Variants in ARRDC5 observed in about 807,000 individuals in gnomAD.
ARRDC5 encodes the protein arrestin domain containing 5, also known as arrestin domain-containing protein 5.
ARRDC5 carries 12 observed loss-of-function variants against 13.3 expected under a neutral mutation model. That is an observed-to-expected ratio of 0.90 (90% CI 0.58 to 1.46). ARRDC5 has a LOEUF of 1.46. Among genes scored for constraint, ARRDC5 ranks in the 40% most tolerant of loss-of-function variants. ARRDC5 has a pLI of 0.00. For missense variants in ARRDC5, 406 were observed against 418.7 expected (o/e 0.97, Z 0.26); for synonymous variants, 181 against 173.4 (o/e 1.04, Z -0.34).
At chr19:4,901,961 A>G (rs952110625) in intron 1 of ARRDC5, among the ~76,000 whole-genome samples, 1 of 152,034 alleles carries the variant, frequency 6.6e-6, no homozygotes, top group African/African-American at 2.4e-5. Context: ...ATCTCAGCTT[A>G]CTGGAACCTC....
chr19:4,898,665 C>CTTTTTTTTTTTTTTTTTT (rs71170878), intron 1 of ARRDC5, among the ~76,000 whole-genome samples: 4 of 130,584 alleles, frequency 3.1e-5, no homozygotes, highest in African/African-American at 5.5e-5. Flanking sequence ...CGGGCTTGGC[C>CTTTTTTTTTTTTTTTTTT]TTTTTTTTTT....
At chr19:4,909,865 C>T in the ARRDC5 span, 8 of 380,028 alleles carry the variant, frequency 2.1e-5, no homozygotes, top group Non-Finnish European at 3.3e-5. Flanking sequence ...GTCCCCGGAG[C>T]CCGGCGGGGG....
chr19:4,905,483 T>C (rs2032048124), upstream of ARRDC5, among the ~76,000 whole-genome samples: 2 of 151,002 alleles, frequency 1.3e-5, no homozygotes, highest in East Asian at 3.9e-4. Context: ...GCTCATCAGG[T>C]ATTGTTAGTG....
At chr19:4,911,665 G>A in the ARRDC5 span, among the ~76,000 whole-genome samples, 1 of 152,158 alleles carries the variant, frequency 6.6e-6, no homozygotes, top group East Asian at 1.9e-4. Context: ...GCCCCTCGTT[G>A]CATTTAAAAT....
chr19:4,902,717 C>T lies in ARRDC5; in HGVS notation c.109G>A (p.Asp37Asn), dbSNP rs1425267371. ...VILTLNSTLV[D>N]PIVKVELVGR... ...ACGAGCTCCACCTTCACTATGGGGT[C>T]CACCAGGGTGCTGTTCAGGGTTAAG... Residue 37 changes from aspartate (D) to asparagine (N), a missense_variant, in exon 1 of 3, where the codon GAC (aspartate) becomes AAC (asparagine). Asp to Asn is a conservative substitution (Grantham distance 23, BLOSUM62 1). Transcript: ENST00000650722. 1.2e-6 allele frequency: 2 copies of T among 1,614,030 alleles called. No individual in the cohort carries two copies. Among genetic ancestry groups the T allele is most frequent in the Admixed American group, 1.7e-5 (1 of 60,002 alleles).
At chr19:4,916,198 C>T in the ARRDC5 span, among the ~76,000 whole-genome samples, 1 of 151,336 alleles carries the variant, frequency 6.6e-6, no homozygotes, top group Non-Finnish European at 1.5e-5. Flanking sequence ...CCTAGCTACT[C>T]GGGAGGCCAA....
At chr19:4,909,252 G>T in the ARRDC5 span, 3 of 518,104 alleles carry the variant, frequency 5.8e-6, no homozygotes, top group East Asian at 1.1e-4. Context: ...GGGTGTCCAC[G>T]TGCGGGGGGT....
the ARRDC5 span, among the ~76,000 whole-genome samples, chr19:4,913,693 T>G: frequency 6.6e-6 from 1 of 152,288 alleles, no homozygotes; most frequent in South Asian, 2.1e-4. Flanking sequence ...CTCTCAACAC[T>G]GAATTTCGTC....
At chr19:4,905,430 GT>G (rs1443441283), upstream of ARRDC5, among the ~76,000 whole-genome samples, 1 of 151,208 alleles carries the variant, frequency 6.6e-6, no homozygotes, top group Non-Finnish European at 1.5e-5. Context: ...CAAATTTGTA[GT>G]TTCTTAAAAC....
chr19:4,891,267 T>A lies in ARRDC5; in HGVS notation c.766A>T (p.Thr256Ser), dbSNP rs1255135985. 6.2e-7 allele frequency: 1 copy of A among 1,613,896 alleles called. No homozygotes were observed. Among genetic ancestry groups the A allele is most frequent in the Non-Finnish European group, 8.5e-7 (1 of 1,179,868 alleles). Residue 256 changes from threonine (T) to serine (S), a missense_variant, in exon 3 of 3, where the codon ACC becomes TCC. By Grantham distance (58) the Thr-to-Ser change is moderately conservative. Coordinates refer to ENST00000650722, the MANE Select transcript of ARRDC5 (RefSeq NM_001080523.3). ...TRFNTTKVVS[T>S]FNLPLLLSVS... The stretch of plus-strand genomic sequence containing the variant: ...GACAGCAGCAACGGCAGGTTGAAGG[T>A]GCTGACAACCTTGGTGGTGTTGAAG...
In ARRDC5 at chr19:4,891,123, T is replaced by A. The variant is rs752682959; in HGVS notation, c.910A>T (p.Ser304Cys). ...CAGATGGCAGAGTCCACTGAGGCGC[T>A]GGTGATGATGATGGGAACTTTGGCC... is the stretch of plus-strand genomic sequence containing the variant. Reference protein sequence around the residue: ...LKAKVPIIITSASVDSAICQL... With the variant: ...LKAKVPIIITCASVDSAICQL... The change falls in exon 3 of 3, where the codon AGC (serine) becomes TGC (cysteine). Residue 304 changes from serine (S) to cysteine (C), a missense_variant. Physicochemically the swap from Ser to Cys is moderately radical, Grantham distance 112. Coordinates refer to ENST00000650722, the MANE Select transcript of ARRDC5 (RefSeq NM_001080523.3). 6.2e-7 allele frequency: 1 copy of A among 1,613,858 alleles called. No homozygotes were observed. Among genetic ancestry groups the A allele is most frequent in the South Asian group, 1.1e-5 (1 of 91,086 alleles).
At chr19:4,905,558 C>T (rs566664523), upstream of ARRDC5, among the ~76,000 whole-genome samples, 1 of 151,776 alleles carries the variant, frequency 6.6e-6, no homozygotes, top group African/African-American at 2.4e-5. Flanking sequence ...GCTCTTGTTG[C>T]CCAGGCTGGA....
At chr19:4,909,285 C>T in the ARRDC5 span, 3 of 540,448 alleles carry the variant, frequency 5.6e-6, no homozygotes, top group African/African-American at 6.1e-5. Context: ...CCACGCAGCC[C>T]CTTTGCACGC....
At chr19:4,901,105 C>T (rs1443098137) in intron 1 of ARRDC5, among the ~76,000 whole-genome samples, 1 of 151,962 alleles carries the variant, frequency 6.6e-6, no homozygotes, top group Admixed American at 6.6e-5. Flanking sequence ...CGCCATTGCA[C>T]TCCAGCCTGG....
intron 1 of ARRDC5, among the ~76,000 whole-genome samples, chr19:4,901,558 G>A (rs932911309): frequency 6.6e-6 from 1 of 152,114 alleles, no homozygotes; most frequent in Non-Finnish European, 1.5e-5. Context: ...AGCTTGCAGC[G>A]AGCCGAGATG....
At chr19:4,897,571 G>A (rs936720680) in intron 1 of ARRDC5, among the ~76,000 whole-genome samples, 1 of 152,024 alleles carries the variant, frequency 6.6e-6, no homozygotes, top group African/African-American at 2.4e-5. Flanking sequence ...AGGCTGCAGT[G>A]CAGTGGTGTG....
chr19:4,902,582 G>A lies in ARRDC5; in HGVS notation c.244C>T (p.Pro82Ser). 1.2e-6 allele frequency: 2 copies of A among 1,613,612 alleles called. No homozygotes were observed. The highest frequency in any genetic ancestry group is 1.7e-6 in the Non-Finnish European group (2 of 1,179,668). ...ADYVHKTKTF[P>S]VEDNWLSAGS... Reference sequence around the variant, plus strand: ...TTGGCCTCGTCCTTACCCTCCACTGGGAATGTCTTTGTCTTATGCACGTAG... The same window carrying A: ...TTGGCCTCGTCCTTACCCTCCACTGAGAATGTCTTTGTCTTATGCACGTAG... Residue 82 changes from proline to serine, a missense_variant, in exon 1 of 3, where the codon CCA becomes TCA. Pro to Ser is a moderately conservative substitution (Grantham distance 74). Coordinates refer to ENST00000650722, the MANE Select transcript of ARRDC5 (RefSeq NM_001080523.3).
the ARRDC5 span, among the ~76,000 whole-genome samples, chr19:4,908,408 C>A: frequency 6.6e-6 from 1 of 152,078 alleles, no homozygotes; most frequent in African/African-American, 2.4e-5. Flanking sequence ...AAGGGAAAGA[C>A]CAAAGTCCTC....
In ARRDC5 at chr19:4,902,575, T is replaced by C; in HGVS notation, c.251A>G (p.Glu84Gly). Reference protein sequence around the residue: ...YVHKTKTFPVEDNWLSAGSHT... With the variant: ...YVHKTKTFPVGDNWLSAGSHT... ...GTGGCTGTTGGCCTCGTCCTTACCCTCCACTGGGAATGTCTTTGTCTTATG... is the reference window on the plus strand; with the variant it reads ...GTGGCTGTTGGCCTCGTCCTTACCCCCCACTGGGAATGTCTTTGTCTTATG... The change falls in exon 1 of 3, where the codon GAG becomes GGG. Residue 84 changes from glutamate (E) to glycine (G), a missense_variant and splice_region_variant. Transcript: ENST00000650722. The C allele has an allele frequency of 6.2e-7, 1 of 1,613,470 alleles. No individual in the cohort carries two copies. The highest frequency in any genetic ancestry group is 1.1e-5 in the South Asian group (1 of 91,072).
Sources: allele counts gnomAD v4.1 joint callset (sites outside exome capture counted in the v4.1 genomes callset), GRCh38; gene constraint gnomAD v4.1.1; transcripts MANE v1.5; gene names NCBI Gene and HGNC (gene_info 2026-07-23, HGNC 2026-07-21).